The following OVCH2 variants were observed in gnomAD, a reference collection of about 807,000 sequenced individuals.
OVCH2 encodes ovochymase-2.
In OVCH2, 88 loss-of-function variants were observed where a neutral mutation model predicts 73.7. The ratio of observed to expected loss-of-function variants is 1.19; its 90% CI spans 1.01 to 1.43. The LOEUF is 1.43. Ranked by LOEUF, OVCH2 falls within the 40% of genes most tolerant of loss-of-function variation. The probability of loss-of-function intolerance (pLI) is 0.00; values close to 1 mark genes in which losing one functional copy is unlikely to be tolerated. For synonymous variants in OVCH2, 265 were observed against 234.5 expected, an observed-to-expected ratio of 1.13 and a Z score of -1.19; for missense variants, 706 against 674.5, an observed-to-expected ratio of 1.05 and a Z score of -0.52.
downstream of OVCH2, among the ~76,000 whole-genome samples, chr11:7,687,150 A>G (rs1238016752): frequency 1.3e-5 from 2 of 152,108 alleles, no homozygotes; most frequent in African/African-American, 4.8e-5. Flanking sequence ...AAAAAAGAAT[A>G]TATTTTCAGG....
In OVCH2 at chr11:7,700,343, G is replaced by A; in HGVS notation, c.854C>T (p.Thr285Ile). The change falls in exon 7 of 16, where the codon ACA becomes ATA. Residue 285 changes from threonine to isoleucine, a missense_variant. Physicochemically the swap from Thr to Ile is moderately conservative, Grantham distance 89. Coordinates refer to ENST00000533663, the MANE Select transcript of OVCH2 (RefSeq NM_198185.7). ...KSDQGSPGIF[T>I]DISKVLPWIH... ...CCAGGGAAGCACTTTACTAATGTCT[G>A]TGAAGATCCCAGGGGATCCTTGATC... 1.2e-6 allele frequency: 2 copies of A among 1,613,856 alleles called. No individual in the cohort carries two copies. Among genetic ancestry groups the A allele is most frequent in the South Asian group, 2.2e-5 (2 of 91,058 alleles).
chr11:7,703,431 C>CT (rs1034461029), intron 3 of OVCH2, among the ~76,000 whole-genome samples: 27 of 152,078 alleles, frequency 1.8e-4, no homozygotes, highest in African/African-American at 5.8e-4. Flanking sequence ...TTGTAATGCT[C>CT]TTTTTTTTCT....
intron 12 of OVCH2, among the ~76,000 whole-genome samples, chr11:7,693,910 C>T (rs1296685709): frequency 1.3e-5 from 2 of 152,170 alleles, no homozygotes; most frequent in Non-Finnish European, 2.9e-5. Context: ...CAGTTCTCAT[C>T]TCTTTAAGTT....
chr11:7,682,264 T>A, the OVCH2 span, among the ~76,000 whole-genome samples: 1 of 152,246 alleles, frequency 6.6e-6, no homozygotes, highest in Admixed American at 6.5e-5. Context: ...AGCTGGGACA[T>A]AAGCCCATGT....
chr11:7,679,026 T>C, the OVCH2 span, among the ~76,000 whole-genome samples: 2 of 152,236 alleles, frequency 1.3e-5, no homozygotes, highest in South Asian at 4.1e-4. Context: ...TGTTTAATCT[T>C]GAAAATAATT....
intron 10 of OVCH2, 124 bp downstream of exon 10, chr11:7,696,341 G>A: frequency 7.4e-7 from 1 of 1,359,010 alleles, no homozygotes; most frequent in African/African-American, 1.4e-5. Context: ...CCAATTCTGA[G>A]TCTCAAAGCG....
In OVCH2 at chr11:7,698,737, A is replaced by C. The variant is rs961140933; in HGVS notation, c.925+13T>G. ...TTGTGCTCCTGATGGAGCAGCCTGC[A>C]AGGGATACCCACCTCTGGAGCTCTT... On this transcript the variant is annotated intron_variant, in intron 8 of 15. Coordinates refer to ENST00000533663, the MANE Select transcript of OVCH2 (RefSeq NM_198185.7). The C allele has an allele frequency of 1.2e-6, 2 of 1,611,574 alleles. No homozygotes were observed. Among genetic ancestry groups the C allele is most frequent in the Non-Finnish European group, 1.7e-6 (2 of 1,178,888 alleles).
downstream of OVCH2, among the ~76,000 whole-genome samples, chr11:7,686,728 G>A (rs1856145483): frequency 6.6e-6 from 1 of 152,188 alleles, no homozygotes; most frequent in African/African-American, 2.4e-5. Context: ...GAACATTTCT[G>A]AAAATTCACA....
chr11:7,691,915 C>T lies in OVCH2; in HGVS notation c.1494G>A (p.Arg498=). ...GAGGACACAAACCTATTTCCTTCTT[C>T]CTTTCTACATCGCTGTGCACTGTCA... The part of the protein sequence containing the change: ...DYVTVHSDVE[R]KKEIARLCGY... The change falls in exon 13 of 16, where the codon AGG becomes AGA. Residue 498 remains arginine (R), a synonymous_variant. Transcript: ENST00000533663. 6.4e-7 allele frequency: 1 copy of T among 1,568,246 alleles called. No homozygotes were observed. The highest frequency in any genetic ancestry group is 2.3e-5 in the East Asian group (1 of 43,046).
At chr11:7,706,256 T>C (rs540684627) in intron 1 of OVCH2, 51 bp downstream of exon 1, 6 of 1,507,518 alleles carry the variant, frequency 4.0e-6, no homozygotes, top group Non-Finnish European at 5.4e-6. Context: ...TGACGTCCAT[T>C]GCCAGCAAAG....
In OVCH2 at chr11:7,700,311, C is replaced by T. The variant is rs775042724; in HGVS notation, c.886G>A (p.Glu296Lys). Residue 296 changes from glutamate to lysine, a missense_variant, in exon 7 of 16, where the codon GAA becomes AAA. Coordinates refer to ENST00000533663, the MANE Select transcript of OVCH2 (RefSeq NM_198185.7). ...GCTTAGTTACCAGTTTGGATGTGTT[C>T]GTGGATCCAGGGAAGCACTTTACTA... ...DISKVLPWIH[E>K]HIQTGNRRKS... 2.0e-5 allele frequency: 33 copies of T among 1,613,662 alleles called. No individual in the cohort carries two copies. Among genetic ancestry groups the T allele is most frequent in the Middle Eastern group, 1.7e-4 (1 of 6,060 alleles).
At chr11:7,686,517 G>A (rs540695246), downstream of OVCH2, among the ~76,000 whole-genome samples, 241 of 152,192 alleles carry the variant, frequency 1.6e-3, no homozygotes, top group Middle Eastern at 0.017. Context: ...TATTAAAAAC[G>A]ACAGACATTT....
In OVCH2 at chr11:7,702,297, C is replaced by A; in HGVS notation, c.323G>T (p.Gly108Val). The A allele has an allele frequency of 6.2e-7, 1 of 1,600,428 alleles. No homozygotes were observed. ...NIVSTLNVTA[G>V]EYDLSQTDPG... ...GTCTGTCTGGCTTAAGTCATACTCT[C>A]CAGCAGTAACATTCAAAGTAGACAC... The change falls in exon 4 of 16, where the codon GGA becomes GTA. Residue 108 changes from glycine (G) to valine (V), a missense_variant. Transcript: ENST00000533663.
At chr11:7,705,870 A>G (rs1188388512) in intron 1 of OVCH2, among the ~76,000 whole-genome samples, 1 of 152,210 alleles carries the variant, frequency 6.6e-6, no homozygotes, top group African/African-American at 2.4e-5. Flanking sequence ...AGCTTAAGTT[A>G]GTTGAAGGGG....
Position 7,691,973 on chromosome 11 carries a change from A to G in OVCH2, c.1436T>C (p.Ile479Thr), listed in dbSNP as rs367874438. 6.5e-5 allele frequency: 103 copies of G among 1,573,278 alleles called. 1 individual carries two copies. Among genetic ancestry groups the G allele is most frequent in the South Asian group, 1.2e-4 (10 of 85,574 alleles). The change falls in exon 13 of 16, where the codon ATA becomes ACA. Residue 479 changes from isoleucine to threonine, a missense_variant. Physicochemically the swap from Ile to Thr is moderately conservative, Grantham distance 89 (BLOSUM62 -1). Coordinates refer to ENST00000533663, the MANE Select transcript of OVCH2 (RefSeq NM_198185.7). Reference sequence around the variant, plus strand: ...GGAAGTGCAGTCTCCACTTTCTTCTATTTCCAGACTCTGAAATGAAAGCTG... The same window carrying G: ...GGAAGTGCAGTCTCCACTTTCTTCTGTTTCCAGACTCTGAAATGAAAGCTG... ...LIKLSFQSLE[I>T]EESGDCTSDY...
intron 8 of OVCH2, 50 bp from the exon 9 acceptor site, chr11:7,696,849 AGCAGC>A (rs755581158): frequency 1.3e-6 from 2 of 1,525,504 alleles, no homozygotes; most frequent in Non-Finnish European, 1.8e-6. Context: ...AGTTAACCAC[AGCAGC>A]CCCTCCCTCC....
At chr11:7,699,694 C>T (rs1298470179) in intron 7 of OVCH2, 2 of 152,126 alleles carry the variant, frequency 1.3e-5, no homozygotes, top group African/African-American at 4.8e-5. Flanking sequence ...ACTTACTATA[C>T]CTGGATCTAC....
At chr11:7,694,785 A>G (rs1017616536) in intron 12 of OVCH2, among the ~76,000 whole-genome samples, 2 of 149,352 alleles carry the variant, frequency 1.3e-5, no homozygotes, top group African/African-American at 2.5e-5. Context: ...CTAATTCAAT[A>G]CAAAGATTAA....
At chr11:7,704,459 C>T in intron 2 of OVCH2, 106 bp downstream of exon 2, 1 of 711,248 alleles carries the variant, frequency 1.4e-6, no homozygotes. Context: ...TGTCTTTCAA[C>T]CCAACTAGGC....
Sources: gnomAD v4.1 joint callset for allele counts (sites outside exome capture counted in the v4.1 genomes callset) on GRCh38, gnomAD v4.1.1 for gene constraint, MANE v1.5 for transcripts, NCBI Gene and HGNC (gene_info 2026-07-23, HGNC 2026-07-21) for gene names.